KIF27: variants seen among roughly 807,000 people sequenced by gnomAD.
The protein encoded by KIF27 is kinesin-like protein KIF27.
In KIF27, 84 loss-of-function variants were observed where a neutral mutation model predicts 141.8. The observed-to-expected ratio is 0.59, with a 90% confidence interval of 0.50 to 0.71. KIF27 has a LOEUF of 0.71. Ranked by LOEUF, KIF27 falls within the 30% of genes least tolerant of loss-of-function variation. The pLI is 0.00. For missense variants in KIF27, 1,306 were observed against 1,628.4 expected, an observed-to-expected ratio of 0.80 and a Z score of 3.41; for synonymous variants, 471 against 569.5, an observed-to-expected ratio of 0.83 and a Z score of 2.46.
chr9:83,868,873 C>G (rs945016634), intron 12 of KIF27, among the ~76,000 whole-genome samples: 5 of 152,154 alleles, frequency 3.3e-5, no homozygotes, highest in African/African-American at 1.2e-4. Context: ...ACTATCATGT[C>G]CAGATAACAC....
intron 4 of KIF27, among the ~76,000 whole-genome samples, chr9:83,902,534 T>C (rs780932910): frequency 2.2e-4 from 33 of 152,196 alleles, no homozygotes; most frequent in Non-Finnish European, 3.2e-4. Flanking sequence ...TCCTTAAACA[T>C]TAATAAATAT....
In KIF27 at chr9:83,853,642, C is replaced by A; in HGVS notation, c.3344G>T (p.Arg1115Ile). Residue 1115 changes from arginine to isoleucine, a missense_variant, in exon 15 of 18, where the codon AGA (arginine) becomes ATA (isoleucine). Physicochemically the swap from Arg to Ile is moderately conservative, Grantham distance 97. Around this residue, in one of 4 missense-constraint regions of KIF27, gnomAD observed 596 missense variants for 751.6 expected, o/e 0.79. Coordinates refer to ENST00000297814, the MANE Select transcript of KIF27 (RefSeq NM_017576.4). ...TCAAAAACAAACCTTATTGAAATAT[C>A]TGAAAAGAATAGTTCTAATCTCAAC... ...SPVEIRTILF[R>I]YFNKVVNLRE... 1 of 1,613,020 alleles carries A rather than the reference C, an allele frequency of 6.2e-7. No homozygotes were observed. Among genetic ancestry groups the A allele is most frequent in the Non-Finnish European group, 8.5e-7 (1 of 1,179,224 alleles).
chr9:83,844,347 G>GATATCTATATATATTTATATAGATATCT (rs1946966765), intron 16 of KIF27, among the ~76,000 whole-genome samples: 22 of 149,888 alleles, frequency 1.5e-4, no homozygotes, highest in African/African-American at 4.2e-4. Context: ...TATTTATATA[G>GATATCTATATATATTTATATAGATATCT]ATATCTATAT....
At chr9:83,899,609 G>A in intron 5 of KIF27, 52 bp downstream of exon 5, 1 of 1,393,018 alleles carries the variant, frequency 7.2e-7, no homozygotes. Flanking sequence ...ACTGTGTTTA[G>A]TTAGGTACTA....
intron 17 of KIF27, among the ~76,000 whole-genome samples, chr9:83,839,809 T>C (rs1185400448): frequency 6.6e-6 from 1 of 151,980 alleles, no homozygotes; most frequent in East Asian, 1.9e-4. Flanking sequence ...CCGGGCCTGA[T>C]GGTGGCGCCT....
chr9:83,852,955 A>C (rs1048634958), intron 15 of KIF27, among the ~76,000 whole-genome samples: 2 of 152,200 alleles, frequency 1.3e-5, no homozygotes, highest in Non-Finnish European at 2.9e-5. Flanking sequence ...TAATTGTCTG[A>C]TATTCCCATA....
At chr9:83,848,489 T>G (rs1046342935) in intron 16 of KIF27, among the ~76,000 whole-genome samples, 5 of 144,106 alleles carry the variant, frequency 3.5e-5, no homozygotes, top group African/African-American at 1.3e-4. Context: ...CATATAGATA[T>G]GTATATATCT....
At chr9:83,894,120 C>G (rs1414281618) in intron 5 of KIF27, among the ~76,000 whole-genome samples, 1 of 152,136 alleles carries the variant, frequency 6.6e-6, no homozygotes, top group African/African-American at 2.4e-5. Context: ...AACATACCCC[C>G]AAAGAAAATT....
In KIF27 at chr9:83,903,830, A is replaced by G. The variant is rs1305114587; in HGVS notation, c.688T>C (p.Trp230Arg). The part of the protein sequence containing the change: ...KNMEAAEDGS[W>R]YSPRHIVSKF... Reference sequence around the variant, plus strand: ...GAGACAATATGCCGAGGGGAATACCATGATCCATCTTCAGCTGCCTCCATA... The same window carrying G: ...GAGACAATATGCCGAGGGGAATACCGTGATCCATCTTCAGCTGCCTCCATA... The change falls in exon 4 of 18, where the codon TGG becomes CGG. Residue 230 changes from tryptophan to arginine, a missense_variant. Physicochemically the swap from Trp to Arg is moderately radical, Grantham distance 101. This residue lies in a region of KIF27 where 533 missense variants were observed against 565.6 expected (regional missense o/e 0.94). Coordinates refer to ENST00000297814, the MANE Select transcript of KIF27 (RefSeq NM_017576.4). The G allele has an allele frequency of 1.2e-6, 2 of 1,614,096 alleles. No individual in the cohort carries two copies. Among genetic ancestry groups the G allele is most frequent in the Non-Finnish European group, 1.7e-6 (2 of 1,180,048 alleles).
At chr9:83,868,766 T>C (rs563600184) in intron 12 of KIF27, among the ~76,000 whole-genome samples, 3 of 152,166 alleles carry the variant, frequency 2.0e-5, no homozygotes, top group South Asian at 4.2e-4. Context: ...AGTGAATATA[T>C]ATGAGAAAAA....
At chr9:83,874,985 T>A (rs1951095709) in intron 11 of KIF27, among the ~76,000 whole-genome samples, 2 of 149,204 alleles carry the variant, frequency 1.3e-5, no homozygotes, top group African/African-American at 5.0e-5. Context: ...AAGTTTGAGT[T>A]ACAAGCAGAG....
intron 11 of KIF27, among the ~76,000 whole-genome samples, chr9:83,873,459 T>G (rs898503492): frequency 2.0e-5 from 3 of 152,160 alleles, no homozygotes; most frequent in Admixed American, 6.5e-5. Context: ...GAGAGAACAT[T>G]TGATTAGTTT....
Position 83,853,621 on chromosome 9 carries a change from A to G in KIF27, c.3357+8T>C. 6.2e-7 allele frequency: 1 copy of G among 1,606,220 alleles called. No homozygotes were observed. Among genetic ancestry groups the G allele is most frequent in the Admixed American group, 1.7e-5 (1 of 59,982 alleles). ...ATAAGAAAAATATTCTGACCCTCAA[A>G]AACAAACCTTATTGAAATATCTGAA... On this transcript the variant is annotated splice_region_variant and intron_variant, in intron 15 of 17. Coordinates refer to ENST00000297814, the MANE Select transcript of KIF27 (RefSeq NM_017576.4).
At chr9:83,905,220 A>G (rs1034545361) in intron 3 of KIF27, among the ~76,000 whole-genome samples, 1 of 151,174 alleles carries the variant, frequency 6.6e-6, no homozygotes, top group Non-Finnish European at 1.5e-5. Flanking sequence ...CCGGGTTCAC[A>G]CCATTCTCCT....
chr9:83,839,661 C>T (rs112719173), intron 17 of KIF27, among the ~76,000 whole-genome samples: 1 of 152,144 alleles, frequency 6.6e-6, no homozygotes, highest in Non-Finnish European at 1.5e-5. Flanking sequence ...TCTATCAAAA[C>T]CCACTGAACC....
rs116393812 is a variant in KIF27 at position 83,872,919 on chromosome 9, C to T, written c.2644-2287G>A. Among the ~76,000 whole-genome samples, 1,042 of 152,288 alleles carry T rather than the reference C, an allele frequency of 6.8e-3. 16 individuals are homozygous for T. Among genetic ancestry groups the T allele is most frequent in the African/African-American group, 0.024 (1,000 of 41,558 alleles). The stretch of plus-strand genomic sequence containing the variant: ...ACCCATATACAATTGCCCAGCCTTG[C>T]TGAAAAAGCAGAGAGGTACGATTAG... On this transcript the variant is annotated intron_variant, in intron 11 of 17. Coordinates refer to ENST00000297814, the MANE Select transcript of KIF27 (RefSeq NM_017576.4).
intron 2 of KIF27, among the ~76,000 whole-genome samples, chr9:83,912,308 G>A (rs774301067): frequency 2.9e-4 from 44 of 152,180 alleles, no homozygotes; most frequent in Non-Finnish European, 5.3e-4. Flanking sequence ...CAATCGTTCT[G>A]AAAATCCGAG....
At chr9:83,906,427 T>C (rs1161664480) in intron 3 of KIF27, among the ~76,000 whole-genome samples, 3 of 151,990 alleles carry the variant, frequency 2.0e-5, no homozygotes, top group Non-Finnish European at 4.4e-5. Context: ...CCACTAAATA[T>C]GGTTTTTAGG....
At chr9:83,890,726 C>G (rs1392434944) in intron 6 of KIF27, among the ~76,000 whole-genome samples, 1 of 152,146 alleles carries the variant, frequency 6.6e-6, no homozygotes, top group Non-Finnish European at 1.5e-5. Context: ...AAACAGAAAC[C>G]AGAATTCATG....
Sources: allele counts gnomAD v4.1 joint callset (sites outside exome capture counted in the v4.1 genomes callset), GRCh38; gene constraint gnomAD v4.1.1; regional missense constraint gnomAD v4.1.1; transcripts MANE v1.5; gene names NCBI Gene and HGNC (gene_info 2026-07-23, HGNC 2026-07-21).